MACROD2: variants seen among roughly 807,000 people sequenced by gnomAD.
The protein encoded by MACROD2 is ADP-ribose glycohydrolase MACROD2.
In MACROD2, 36 loss-of-function variants were observed where a neutral mutation model predicts 70.4. The observed-to-expected ratio is 0.51, with a 90% CI of 0.39 to 0.68. The LOEUF is 0.68. MACROD2 is among the 30% of genes least tolerant of loss of function. The pLI is 0.00. For missense variants in MACROD2, 496 were observed against 538.4 expected, an observed-to-expected ratio of 0.92 and a Z score of 0.78; for synonymous variants, 172 against 178.8, an observed-to-expected ratio of 0.96 and a Z score of 0.30.
At chr20:14,670,743 G>T (rs2123559364) in intron 4 of MACROD2, among the ~76,000 whole-genome samples, 1 of 152,226 alleles carries the variant, frequency 6.6e-6, no homozygotes, top group Non-Finnish European at 1.5e-5. Flanking sequence ...CATTGAATGA[G>T]AAGTAGTTCA....
At chr20:14,954,729 T>TAA (rs2122741676) in intron 5 of MACROD2, among the ~76,000 whole-genome samples, 1 of 36,914 alleles carries the variant, frequency 2.7e-5, no homozygotes, top group Non-Finnish European at 6.8e-5. Context: ...AATGTATAAA[T>TAA]ATATAAATTA....
rs190423358 is a variant in MACROD2 at position 14,788,355 on chromosome 20, C to T, written c.418+103396C>T. 7.5e-4 allele frequency among the ~76,000 whole-genome samples: 114 copies of T among 151,888 alleles called. 2 individuals are homozygous for T. Among genetic ancestry groups the T allele is most frequent in the Non-Finnish European group, 9.6e-4 (65 of 67,964 alleles). ...ATTCCAGCACTTTGGGAGGCCAAGGCGGGCGGATTGCTTGAGTCCAAGAGT... is the reference window on the plus strand; with the variant it reads ...ATTCCAGCACTTTGGGAGGCCAAGGTGGGCGGATTGCTTGAGTCCAAGAGT... On this transcript the variant is annotated intron_variant, in intron 5 of 17. Coordinates refer to ENST00000684519, the MANE Select transcript of MACROD2 (RefSeq NM_001351661.2).
At position 15,548,818 on chromosome 20, in the gene MACROD2, A is replaced by G. The variant is rs145525850; in HGVS notation, c.645+48971A>G. Among the ~76,000 whole-genome samples, 25 of 152,308 alleles carry G rather than the reference A, an allele frequency of 1.6e-4. No homozygotes were observed. The East Asian group carries it at 4.8e-3, about 29-fold the overall frequency. On this transcript the variant is annotated intron_variant, in intron 8 of 17. Transcript: ENST00000684519. ...CCTTCCTTGGGGGAAGTCAGCCACC[A>G]TGTAAAACGTTATACTACTCTGAGA...
intron 3 of MACROD2, among the ~76,000 whole-genome samples, chr20:14,489,869 T>C (rs990451818): frequency 1.3e-5 from 2 of 151,868 alleles, no homozygotes; most frequent in Non-Finnish European, 2.9e-5. Context: ...TCTTTTTTTT[T>C]TTTTTTTAAA....
At chr20:15,312,978 T>G (rs1223778014) in intron 6 of MACROD2, among the ~76,000 whole-genome samples, 1 of 152,218 alleles carries the variant, frequency 6.6e-6, no homozygotes, top group Non-Finnish European at 1.5e-5. Context: ...ATGCCTTTAG[T>G]ATAAATATTT....
In MACROD2 at chr20:14,456,353, C is replaced by T. The variant is rs978915222; in HGVS notation, c.272-37126C>T. 1.1e-4 allele frequency among the ~76,000 whole-genome samples: 16 copies of T among 151,720 alleles called. 2 individuals are homozygous for T. Among genetic ancestry groups the T allele is most frequent in the African/African-American group, 3.7e-4 (15 of 41,052 alleles). On this transcript the variant is annotated intron_variant, in intron 3 of 17. Coordinates refer to ENST00000684519, the MANE Select transcript of MACROD2 (RefSeq NM_001351661.2). ...ATAGCACAGTATTTTTTCTAGGCTG[C>T]TTTATAATTTGTTGAGAATGATTGC... is the stretch of plus-strand genomic sequence containing the variant.
intron 8 of MACROD2, among the ~76,000 whole-genome samples, chr20:15,678,399 G>A (rs575513589): frequency 3.3e-5 from 5 of 151,032 alleles, no homozygotes; most frequent in Non-Finnish European, 7.4e-5. Context: ...TCGCTCTGTA[G>A]CCCAGGCTGG....
chr20:14,396,987 T>G (rs2083587890), intron 3 of MACROD2, among the ~76,000 whole-genome samples: 1 of 104,490 alleles, frequency 9.6e-6, no homozygotes, highest in Admixed American at 1.4e-4. Context: ...TTAGACCATT[T>G]ACTTTTTTTT....
At chr20:14,193,041 G>C (rs1385380635) in intron 3 of MACROD2, among the ~76,000 whole-genome samples, 7 of 152,186 alleles carry the variant, frequency 4.6e-5, no homozygotes, top group Non-Finnish European at 7.3e-5. Context: ...CATCTAAATA[G>C]GGGGCTCCTG....
intron 4 of MACROD2, chr20:14,547,383 C>T (rs2085503252): frequency 4.4e-6 from 1 of 228,284 alleles, no homozygotes; most frequent in South Asian, 8.4e-5. Flanking sequence ...CTGATCTGAT[C>T]TATCTCTTCC....
chr20:15,686,918 T>C (rs1433235785), intron 8 of MACROD2, among the ~76,000 whole-genome samples: 2 of 149,606 alleles, frequency 1.3e-5, no homozygotes, highest in Admixed American at 6.7e-5. Flanking sequence ...TATATCATAA[T>C]TGACAGGACA....
chr20:15,358,288 A>G (rs1423630317), intron 6 of MACROD2, among the ~76,000 whole-genome samples: 20 of 152,190 alleles, frequency 1.3e-4, no homozygotes, highest in Non-Finnish European at 2.9e-5. Flanking sequence ...GCATTAAAAG[A>G]TGTAAGTACA....
At chr20:15,984,058 C>T (rs6105510) in intron 13 of MACROD2, among the ~76,000 whole-genome samples, 2 of 151,806 alleles carry the variant, frequency 1.3e-5, no homozygotes, top group African/African-American at 2.4e-5. Context: ...TTAATAAAAC[C>T]TTGTAGACAT....
chr20:14,970,092 C>A (rs923077730), intron 5 of MACROD2, among the ~76,000 whole-genome samples: 1 of 151,978 alleles, frequency 6.6e-6, no homozygotes, highest in East Asian at 1.9e-4. Context: ...TCCACATGGC[C>A]GAGGAAGCCT....
At chr20:14,055,248 TAAAC>T (rs1226895727) in intron 2 of MACROD2, among the ~76,000 whole-genome samples, 1 of 152,158 alleles carries the variant, frequency 6.6e-6, no homozygotes, top group African/African-American at 2.4e-5. Context: ...ACAAATGGAT[TAAAC>T]ACATTGGCGT....
chr20:15,606,472 G>A (rs2048894756), intron 8 of MACROD2, among the ~76,000 whole-genome samples: 2 of 152,068 alleles, frequency 1.3e-5, no homozygotes, highest in South Asian at 4.2e-4. Flanking sequence ...GTCTGGGCTT[G>A]TTACTTCTTT....
At chr20:14,707,606 G>C (rs1023601185) in intron 5 of MACROD2, among the ~76,000 whole-genome samples, 6 of 152,096 alleles carry the variant, frequency 3.9e-5, no homozygotes, top group Non-Finnish European at 5.9e-5. Flanking sequence ...AAAGATCGGG[G>C]TGAATTTCCC....
intron 5 of MACROD2, among the ~76,000 whole-genome samples, chr20:15,136,866 G>GA (rs890981350): frequency 1.0e-4 from 15 of 148,668 alleles, no homozygotes; most frequent in African/African-American, 3.5e-4. Flanking sequence ...AAATTTACAA[G>GA]AAAAAAACAA....
At chr20:14,325,617 G>A in intron 3 of MACROD2, 7 of 1,613,556 alleles carry the variant, frequency 4.3e-6, no homozygotes, top group Non-Finnish European at 5.1e-6. Context: ...GGTTACTACT[G>A]CTTTCACTGT....
Sources: gnomAD v4.1 joint callset for allele counts (sites outside exome capture counted in the v4.1 genomes callset) on GRCh38, gnomAD v4.1.1 for gene constraint, MANE v1.5 for transcripts, NCBI Gene and HGNC (gene_info 2026-07-23, HGNC 2026-07-21) for gene names.